The following LINC00632 variants were observed in gnomAD, a reference collection of about 807,000 sequenced individuals.
The protein encoded by LINC00632 is ALDOA related specific transcript.
At chrX:140,709,899 TG>T in intron 1 of LINC00632, 1 of 295,633 alleles carries the variant, frequency 3.4e-6, no homozygotes, top group African/African-American at 2.7e-5. Context: ...AATGCAAAAT[TG>T]TGTAGGAATC....
At chrX:140,713,469 C>G (rs901636423) in intron 2 of LINC00632, 1 of 325,006 alleles carries the variant, frequency 3.1e-6, no homozygotes, top group African/African-American at 2.7e-5. Flanking sequence ...AGAACAGTGT[C>G]TGGCACATAG....
exon 5 of LINC00632, among the ~76,000 whole-genome samples, chrX:140,779,146 A>T (rs1308599470): frequency 9.0e-6 from 1 of 111,012 alleles, no homozygotes; most frequent in African/African-American, 3.3e-5. Flanking sequence ...GCACAGTTTG[A>T]GTGGAGAGAA....
intron 1 of LINC00632, among the ~76,000 whole-genome samples, chrX:140,710,476 AT>A (rs914919439): frequency 2.0e-4 from 22 of 110,722 alleles, no homozygotes; most frequent in African/African-American, 7.2e-4. Context: ...ATTAATTTGT[AT>A]TTTTGGACAG....
exon 5 of LINC00632, among the ~76,000 whole-genome samples, chrX:140,785,961 G>A (rs778869955): frequency 8.1e-5 from 9 of 111,552 alleles, no homozygotes; most frequent in African/African-American, 2.9e-4. Flanking sequence ...ACTAATGGTA[G>A]CTGCAACTCC....
exon 5 of LINC00632, among the ~76,000 whole-genome samples, chrX:140,778,538 G>A (rs1262447682): frequency 1.8e-5 from 2 of 108,800 alleles, no homozygotes; most frequent in Admixed American, 9.8e-5. Context: ...CTGGGAGGCG[G>A]AGGTTGCAGT....
At chrX:140,716,433 A>G (rs1034195252) in intron 2 of LINC00632, 3 of 111,329 alleles carry the variant, frequency 2.7e-5, no homozygotes, top group African/African-American at 9.8e-5. Context: ...AGTGACTATT[A>G]GAATTGTTAA....
At chrX:140,774,990 A>G (rs1409418958) in exon 5 of LINC00632, among the ~76,000 whole-genome samples, 2 of 112,035 alleles carry the variant, frequency 1.8e-5, no homozygotes, top group African/African-American at 6.5e-5. Context: ...TTAGTTTGGT[A>G]TAAGTTAAAT....
At chrX:140,744,575 G>A (rs1569352108) in intron 3 of LINC00632, among the ~76,000 whole-genome samples, 1 of 37,817 alleles carries the variant, frequency 2.6e-5, no homozygotes, top group Non-Finnish European at 7.3e-5. Flanking sequence ...TTTGGGGGGG[G>A]GGGTGGGGGG....
At chrX:140,778,966 G>A (rs759153792) in exon 5 of LINC00632, among the ~76,000 whole-genome samples, 4 of 112,044 alleles carry the variant, frequency 3.6e-5, no homozygotes, top group Non-Finnish European at 5.6e-5. Context: ...ATTTTACTGT[G>A]GTTGAGTTGA....
chrX:140,757,650 T>A (rs909182053), intron 3 of LINC00632, among the ~76,000 whole-genome samples: 3 of 111,446 alleles, frequency 2.7e-5, no homozygotes, highest in Middle Eastern at 4.6e-3. Flanking sequence ...CACTGCAACC[T>A]CCGCCTCCTG....
intron 2 of LINC00632, among the ~76,000 whole-genome samples, chrX:140,721,497 G>A (rs918850941): frequency 9.0e-5 from 10 of 111,060 alleles, no homozygotes; most frequent in African/African-American, 3.3e-4. Context: ...TCTCATGCAC[G>A]GTTCACAATA....
At chrX:140,785,136 G>A (rs1039701265) in exon 5 of LINC00632, among the ~76,000 whole-genome samples, 1 of 108,659 alleles carries the variant, frequency 9.2e-6, no homozygotes, top group Non-Finnish European at 1.9e-5. Flanking sequence ...CATTTTAAAT[G>A]ATATTAATTT....
exon 4 of LINC00632, among the ~76,000 whole-genome samples, chrX:140,773,359 G>GT (rs922654368): frequency 3.6e-5 from 4 of 112,293 alleles, no homozygotes; most frequent in African/African-American, 1.3e-4. Flanking sequence ...TGAGCAGGTT[G>GT]TCAGTGCTGC....
exon 4 of LINC00632, chrX:140,772,296 C>T (rs1294323266): frequency 2.4e-5 from 7 of 294,124 alleles, no homozygotes; most frequent in African/African-American, 1.7e-4. Context: ...TACTCTTGTT[C>T]TTCTGCTTGT....
At chrX:140,731,996 G>C (rs1931064812) in intron 2 of LINC00632, among the ~76,000 whole-genome samples, 1 of 111,084 alleles carries the variant, frequency 9.0e-6, no homozygotes, top group Non-Finnish European at 1.9e-5. Context: ...CCGAGGTCAG[G>C]AGTTTGAGAC....
intron 3 of LINC00632, among the ~76,000 whole-genome samples, chrX:140,751,285 CTTT>C (rs77749131): frequency 1.2e-3 from 112 of 91,693 alleles, no homozygotes; most frequent in Admixed American, 1.7e-3. Context: ...ATGCCAACAT[CTTT>C]TTTTTTTTTT....
chrX:140,710,147 G>T (rs1930485086), intron 1 of LINC00632, among the ~76,000 whole-genome samples: 1 of 112,258 alleles, frequency 8.9e-6, no homozygotes, highest in Non-Finnish European at 1.9e-5. Context: ...TGTATTTGAC[G>T]TGATGAAATG....
At chrX:140,736,436 C>CTTTTTTTTTTTTTTTTTTTTTTTTTTT (rs748293491) in intron 3 of LINC00632, among the ~76,000 whole-genome samples, 1 of 50,064 alleles carries the variant, frequency 2.0e-5, no homozygotes, top group African/African-American at 5.7e-5. Context: ...TCTTCTTCTT[C>CTTTTTTTTTTTTTTTTTTTTTTTTTTT]TTTTTTTTTT....
exon 5 of LINC00632, among the ~76,000 whole-genome samples, chrX:140,788,933 G>A (rs866278393): frequency 1.8e-4 from 16 of 86,827 alleles, no homozygotes; most frequent in Non-Finnish European, 3.2e-4. Context: ...GTGTGTGTGT[G>A]TTTTATAGGG....
Sources: allele counts gnomAD v4.1 joint callset (sites outside exome capture counted in the v4.1 genomes callset), GRCh38; gene constraint gnomAD v4.1.1; transcripts MANE v1.5; gene names NCBI Gene and HGNC (gene_info 2026-07-23, HGNC 2026-07-21).